Variants in ERMARD observed in about 807,000 individuals in gnomAD.
The protein encoded by ERMARD is endoplasmic reticulum membrane-associated RNA degradation protein.
ERMARD carries 71 observed loss-of-function variants against 83.9 expected under a neutral mutation model. The ratio of observed to expected loss-of-function variants is 0.85; its 90% CI spans 0.70 to 1.03. ERMARD has a LOEUF of 1.03. Ranked by LOEUF, ERMARD falls within the 50% of genes least tolerant of loss-of-function variation. ERMARD has a pLI of 0.00. For missense variants in ERMARD, 838 were observed against 810.9 expected (o/e 1.03, Z -0.41); for synonymous variants, 284 against 298.6 (o/e 0.95, Z 0.50).
intron 12 of ERMARD, 134 bp downstream of exon 12, chr6:169,769,847 A>G: frequency 1.4e-6 from 1 of 730,896 alleles, no homozygotes; most frequent in Non-Finnish European, 2.1e-6. Flanking sequence ...ATCAGAAAAA[A>G]AAGTGAATGG....
intron 6 of ERMARD, 125 bp from the exon 7 acceptor site, chr6:169,759,713 T>C (rs1791279659): frequency 1.6e-5 from 15 of 942,280 alleles, no homozygotes; most frequent in Non-Finnish European, 2.4e-5. Context: ...TGAGCCACCG[T>C]GATCGGACAG....
chr6:169,776,650 G>A lies in ERMARD; in HGVS notation c.1716G>A (p.Gln572=). The A allele has an allele frequency of 6.2e-7, 1 of 1,613,980 alleles. No homozygotes were observed. The highest frequency in any genetic ancestry group is 1.1e-5 in the South Asian group (1 of 91,072). ...VERTLRSRQR[Q]NYLRMWSSIR... ...GGACGCTGCGGTCTCGCCAGCGGCA[G>A]AACTACCTGCGTATGTGGAGTAGGT... Residue 572 remains glutamine (Q), a synonymous_variant, in exon 16 of 18, where the codon CAG becomes CAA. Transcript: ENST00000366773.
chr6:169,773,652 A>G (rs1162102135), intron 13 of ERMARD, among the ~76,000 whole-genome samples: 2 of 152,168 alleles, frequency 1.3e-5, no homozygotes, highest in African/African-American at 2.4e-5. Flanking sequence ...TGTTAAATGG[A>G]TGAGCACTGG....
At chr6:169,778,195 G>T (rs930051128) in intron 16 of ERMARD, among the ~76,000 whole-genome samples, 1 of 152,232 alleles carries the variant, frequency 6.6e-6, no homozygotes, top group Non-Finnish European at 1.5e-5. Flanking sequence ...CCCTCCTGGG[G>T]CATCCATTTC....
At chr6:169,776,388 GT>G in intron 15 of ERMARD, 66 bp from the exon 16 acceptor site, 1 of 1,570,508 alleles carries the variant, frequency 6.4e-7, no homozygotes, top group Non-Finnish European at 8.6e-7. Flanking sequence ...AGCCTTGCAG[GT>G]GCAGAAGGAG....
Position 169,759,804 on chromosome 6 carries a change from C to T in ERMARD, c.606-34C>T, listed in dbSNP as rs765714241. ...AGCTTTTTATAGGCATGATTGAGTA[C>T]ATTTTTGTAACAGATCTCTATGGTA... On this transcript the variant is annotated intron_variant, in intron 6 of 17. Coordinates refer to ENST00000366773, the MANE Select transcript of ERMARD (RefSeq NM_018341.3). 2.5e-6 allele frequency: 4 copies of T among 1,576,324 alleles called. No homozygotes were observed. The South Asian group carries it at 4.6e-5, about 18-fold the overall frequency.
intron 10 of ERMARD, chr6:169,767,193 G>A (rs1393397015): frequency 6.6e-6 from 1 of 152,504 alleles, no homozygotes; most frequent in African/African-American, 2.4e-5. Flanking sequence ...ACCTGTAGAG[G>A]TCCGGACATT....
rs1790654598 is a variant in ERMARD at position 169,755,286 on chromosome 6, A to G, written c.179A>G (p.Gln60Arg). 6.2e-7 allele frequency: 1 copy of G among 1,613,526 alleles called. No individual in the cohort carries two copies. The highest frequency in any genetic ancestry group is 1.1e-5 in the South Asian group (1 of 90,988). The change falls in exon 3 of 18, where the codon CAG becomes CGG. Residue 60 changes from glutamine (Q) to arginine (R), a missense_variant. Transcript: ENST00000366773. ...ATTTGTTTTCTTATCCTTTAAGAGC[A>G]GGGTCTGGATTACTGGGGAAGCGTG... ...TDCVSYTESEQGLDYWGSVRL... is the reference protein window; with the variant it reads ...TDCVSYTESERGLDYWGSVRL...
intron 3 of ERMARD, 58 bp downstream of exon 3, chr6:169,755,480 C>T (rs1386141868): frequency 2.4e-5 from 38 of 1,586,268 alleles, no homozygotes; most frequent in South Asian, 3.5e-5. Flanking sequence ...ACTTAGAGGA[C>T]GTACTATTTG....
rs1792654665 is a variant in ERMARD at position 169,769,631 on chromosome 6, A to G, written c.1151A>G (p.Lys384Arg). The change falls in exon 12 of 18, where the codon AAA becomes AGA. Residue 384 changes from lysine (K) to arginine (R), a missense_variant. Lys to Arg is a conservative substitution (Grantham distance 26). Coordinates refer to ENST00000366773, the MANE Select transcript of ERMARD (RefSeq NM_018341.3). ...HGEINLHEFS[K>R]ETTNQLLAFS... ...GAGATCAACTTACATGAATTTTCAA[A>G]AGAAACAACTAATCAGTTGCTTGCA... 6.2e-7 allele frequency: 1 copy of G among 1,613,486 alleles called. No individual in the cohort carries two copies. The highest frequency in any genetic ancestry group is 8.5e-7 in the Non-Finnish European group (1 of 1,179,752).
chr6:169,771,453 C>T (rs1792909510), intron 12 of ERMARD: 1 of 152,142 alleles, frequency 6.6e-6, no homozygotes, highest in African/African-American at 2.4e-5. Context: ...GAGTAAGGTA[C>T]AGAATCTAGC....
Position 169,766,769 on chromosome 6 carries a change from T to C in ERMARD, c.990+102T>C, listed in dbSNP as rs1003787799. On this transcript the variant is annotated intron_variant, in intron 10 of 17. Coordinates refer to ENST00000366773, the MANE Select transcript of ERMARD (RefSeq NM_018341.3). The stretch of plus-strand genomic sequence containing the variant: ...AATTAAAGATCAGCCATAAATCATA[T>C]ACTTACAGGAAAATGTCCATAGTAA... The C allele has an allele frequency of 3.2e-6, 4 of 1,256,124 alleles. No individual in the cohort carries two copies. The African/African-American group carries it at 4.6e-5, about 15-fold the overall frequency. 77.8% of individuals were successfully genotyped at this position (1,256,124 alleles called of 1,614,324 possible). A position where few individuals can be genotyped will look rare whatever the true frequency, so the allele number is the denominator to read the frequency against.
chr6:169,759,733 A>G, intron 6 of ERMARD, 105 bp from the exon 7 acceptor site: 1 of 1,145,574 alleles, frequency 8.7e-7, no homozygotes, highest in Non-Finnish European at 1.3e-6. Context: ...GTTTCATGCA[A>G]TTTAACTTTG....
At position 169,776,069 on chromosome 6, in the gene ERMARD, A is replaced by T; in HGVS notation, c.1520+4A>T. The T allele has an allele frequency of 1.2e-6, 2 of 1,612,920 alleles. No individual in the cohort carries two copies. Among genetic ancestry groups the T allele is most frequent in the Non-Finnish European group, 1.7e-6 (2 of 1,179,676 alleles). On this transcript the variant is annotated splice_donor_region_variant and intron_variant, in intron 15 of 17. Coordinates refer to ENST00000366773, the MANE Select transcript of ERMARD (RefSeq NM_018341.3). ...TGGATCGTCTTCCTACTGAGACGTA[A>T]GTTCCAGGACATCCTGACAACTGTT...
Position 169,779,170 on chromosome 6 carries a change from A to C in ERMARD, c.1740-12A>C. On this transcript the variant is annotated splice_polypyrimidine_tract_variant and intron_variant, in intron 16 of 17. Coordinates refer to ENST00000366773, the MANE Select transcript of ERMARD (RefSeq NM_018341.3). The stretch of plus-strand genomic sequence containing the variant: ...TATCCTCACATTTTAATTTACTTTT[A>C]TCTGTTTTTAGTATCAGACTACTGT... The C allele has an allele frequency of 6.2e-7, 1 of 1,605,066 alleles. No homozygotes were observed. The highest frequency in any genetic ancestry group is 8.5e-7 in the Non-Finnish European group (1 of 1,171,786).
chr6:169,762,932 A>G (rs1791736466), intron 9 of ERMARD, among the ~76,000 whole-genome samples: 1 of 152,166 alleles, frequency 6.6e-6, no homozygotes, highest in Non-Finnish European at 1.5e-5. Flanking sequence ...TACAAATGGA[A>G]GACGTAGGAT....
rs543694140 is a variant in ERMARD at position 169,758,898 on chromosome 6, G to A, written c.508-70G>A. 5.8e-6 allele frequency: 8 copies of A among 1,382,988 alleles called. No individual in the cohort carries two copies. In the South Asian group the frequency reaches 7.4e-5, roughly 13 times the overall value. The allele number at this position is 1,382,988 out of a possible 1,614,324, so 85.7% of individuals were successfully genotyped here. ...CTCAGTTAAAAAGAGGAACACAAAT[G>A]TTATCTTCATACTATATTGGTTTAT... On this transcript the variant is annotated intron_variant, in intron 5 of 17. Transcript: ENST00000366773.
At chr6:169,751,737 T>G in intron 1 of ERMARD, 74 bp downstream of exon 1, 1 of 1,469,066 alleles carries the variant, frequency 6.8e-7, no homozygotes, top group African/African-American at 1.5e-5. Context: ...GGTGCTCGGC[T>G]ACGCGGAGTG....
At chr6:169,756,935 C>T (rs749591957) in intron 5 of ERMARD, 127 bp downstream of exon 5, 382 of 810,002 alleles carry the variant, frequency 4.7e-4, no homozygotes, top group Non-Finnish European at 6.1e-4. Flanking sequence ...CTGAGGAGGC[C>T]TCAGAATCAT....
Sources: gnomAD v4.1 joint callset for allele counts (sites outside exome capture counted in the v4.1 genomes callset) on GRCh38, gnomAD v4.1.1 for gene constraint, MANE v1.5 for transcripts, NCBI Gene and HGNC (gene_info 2026-07-23, HGNC 2026-07-21) for gene names.